The following PARP6 variants were observed in gnomAD, a reference collection of about 807,000 sequenced individuals.
PARP6 encodes the protein protein mono-ADP-ribosyltransferase PARP6.
A neutral mutation model predicts 92.0 loss-of-function variants in PARP6; 27 were observed. That is an observed-to-expected ratio of 0.29 (90% CI 0.22 to 0.40). PARP6 has a LOEUF of 0.40. PARP6 is among the 10% of genes least tolerant of loss of function. The pLI is 1.00. For synonymous variants in PARP6, 272 were observed against 281.2 expected, an observed-to-expected ratio of 0.97 and a Z score of 0.33; for missense variants, 501 against 784.5, an observed-to-expected ratio of 0.64 and a Z score of 4.32.
At chr15:72,246,819 G>A (rs907490718) in intron 20 of PARP6, among the ~76,000 whole-genome samples, 1 of 151,186 alleles carries the variant, frequency 6.6e-6, no homozygotes, top group Non-Finnish European at 1.5e-5. Flanking sequence ...CAATGGCGCA[G>A]TCTCACCTCA....
In PARP6 at chr15:72,250,023, C is replaced by A; in HGVS notation, c.1488G>T (p.Leu496=). Residue 496 remains leucine, a synonymous_variant, in exon 19 of 24, where the codon CTG becomes CTT. Coordinates refer to ENST00000569795, the MANE Select transcript of PARP6 (RefSeq NM_001323532.2). ...NGLVNASYTK[L]QLHGAAYGKG... is the part of the protein sequence containing the mutation. Reference sequence around the variant, plus strand: ...GGAGAAAGGGGCACAGCCTCACCTGCAGTTTGGTGTAGGATGCATTGACCA... The same window carrying A: ...GGAGAAAGGGGCACAGCCTCACCTGAAGTTTGGTGTAGGATGCATTGACCA... The A allele has an allele frequency of 6.3e-7, 1 of 1,593,532 alleles. No individual in the cohort carries two copies. The highest frequency in any genetic ancestry group is 8.6e-7 in the Non-Finnish European group (1 of 1,161,144).
At position 72,257,255 on chromosome 15, in the gene PARP6, G is replaced by C. The variant is rs1202167983; in HGVS notation, c.999+93C>G. 6 of 908,380 alleles carry C rather than the reference G, an allele frequency of 6.6e-6. No individual in the cohort carries two copies. In the African/African-American group the frequency reaches 9.8e-5, roughly 15 times the overall value. 56.3% of individuals were successfully genotyped at this position (908,380 alleles called of 1,614,324 possible). On this transcript the variant is annotated intron_variant, in intron 13 of 23. Coordinates refer to ENST00000569795, the MANE Select transcript of PARP6 (RefSeq NM_001323532.2). Reference sequence around the variant, plus strand: ...TACAGTGGTTATCTTATATACAAAAGCATTTTTGGAAGTTAAATTCCAAGA... The same window carrying C: ...TACAGTGGTTATCTTATATACAAAACCATTTTTGGAAGTTAAATTCCAAGA...
At chr15:72,249,125 G>A (rs1000524322) in intron 20 of PARP6, 120 bp downstream of exon 20, 7 of 500,742 alleles carry the variant, frequency 1.4e-5, no homozygotes, top group African/African-American at 3.8e-5. Flanking sequence ...ATCCATGATC[G>A]GGGAGAGAGC....
intron 10 of PARP6, among the ~76,000 whole-genome samples, chr15:72,259,866 TG>T (rs1479955815): frequency 6.6e-6 from 1 of 152,202 alleles, no homozygotes; most frequent in Non-Finnish European, 1.5e-5. Flanking sequence ...TCAAAGTAGA[TG>T]GAATAGGTTA....
chr15:72,254,537 G>C lies in PARP6; in HGVS notation c.1126-17C>G. The C allele has an allele frequency of 6.3e-7, 1 of 1,598,050 alleles. No individual in the cohort carries two copies. The highest frequency in any genetic ancestry group is 8.6e-7 in the Non-Finnish European group (1 of 1,165,720). ...ATTCTTCTTCTGTGGAGAATCAATG[G>C]GAAGAGAAGAACCAAATAAAGAAAA... On this transcript the variant is annotated splice_polypyrimidine_tract_variant and intron_variant, in intron 14 of 23. Transcript: ENST00000569795.
intron 11 of PARP6, 52 bp from the exon 12 acceptor site, chr15:72,258,184 A>G: frequency 5.3e-6 from 7 of 1,332,438 alleles, no homozygotes; most frequent in Non-Finnish European, 7.6e-6. Flanking sequence ...ACACACAGAT[A>G]TGGGAAATAA....
chr15:72,247,205 C>T (rs746025144), intron 20 of PARP6, among the ~76,000 whole-genome samples: 15 of 151,960 alleles, frequency 9.9e-5, no homozygotes, highest in Non-Finnish European at 1.9e-4. Context: ...GACAGGGTCT[C>T]GCTCTACTGC....
At position 72,262,695 on chromosome 15, in the gene PARP6, T is replaced by C. The variant is rs1597113072; in HGVS notation, c.396-988A>G. Among the ~76,000 whole-genome samples the C allele has an allele frequency of 3.9e-5, 6 of 152,192 alleles. No homozygotes were observed. The South Asian group carries it at 1.0e-3, about 26-fold the overall frequency. ...GTTCTCATCCTGATGCTAAATCCGA[T>C]GGAAACTCCCAGGTTCTTCTCTTAT... is the stretch of plus-strand genomic sequence containing the variant. On this transcript the variant is annotated intron_variant, in intron 8 of 23. Transcript: ENST00000569795.
Position 72,242,578 on chromosome 15 carries a change from G to T in PARP6, c.1641+42C>A. On this transcript the variant is annotated intron_variant, in intron 21 of 23. Transcript: ENST00000569795. This position sits in a 1 kb window ranked among gnomAD's most constrained non-coding sequence, Gnocchi z 4.3. The stretch of plus-strand genomic sequence containing the variant: ...CTGTCCAGCTCTGGAGCCTAAATTA[G>T]CCCCAGGGAAAGGTCCTGCCTCATT... The T allele has an allele frequency of 7.5e-7, 1 of 1,331,066 alleles. No individual in the cohort carries two copies. The highest frequency in any genetic ancestry group is 1.1e-6 in the Non-Finnish European group (1 of 921,880). 82.5% of individuals were successfully genotyped at this position (1,331,066 alleles called of 1,614,324 possible).
At chr15:72,243,317 T>C (rs1225164152) in intron 20 of PARP6, 1 of 152,106 alleles carries the variant, frequency 6.6e-6, no homozygotes, top group Non-Finnish European at 1.5e-5. Flanking sequence ...TGGTGTCAAG[T>C]GCCTGGATGA....
At position 72,259,677 on chromosome 15, in the gene PARP6, A is replaced by C. The variant is rs1431756400; in HGVS notation, c.757-16T>G. ...GACCACTGACCTGGTGAGAGTAAAA[A>C]GACAGACCCCGTGAACCTCCTATGA... On this transcript the variant is annotated splice_polypyrimidine_tract_variant and intron_variant, in intron 10 of 23. Coordinates refer to ENST00000569795, the MANE Select transcript of PARP6 (RefSeq NM_001323532.2). The C allele has an allele frequency of 6.2e-7, 1 of 1,613,278 alleles. No homozygotes were observed. Among genetic ancestry groups the C allele is most frequent in the Non-Finnish European group, 8.5e-7 (1 of 1,179,370 alleles).
intron 20 of PARP6, among the ~76,000 whole-genome samples, chr15:72,248,736 T>C (rs937834728): frequency 2.0e-5 from 3 of 152,240 alleles, no homozygotes; most frequent in Admixed American, 1.3e-4. Flanking sequence ...ACCTCATCTT[T>C]AGAATAAAAT....
chr15:72,267,003 A>G, intron 3 of PARP6, 181 bp from the exon 4 acceptor site: 1 of 586,682 alleles, frequency 1.7e-6, no homozygotes, highest in Non-Finnish European at 3.1e-6. Context: ...TCTTCCTGAT[A>G]TGATCATATC....
At chr15:72,257,572 C>T in intron 12 of PARP6, 132 bp from the exon 13 acceptor site, 1 of 661,656 alleles carries the variant, frequency 1.5e-6, no homozygotes, top group Non-Finnish European at 2.7e-6. Flanking sequence ...CAGGAGAAAA[C>T]TACCAATAAA....
At chr15:72,270,921 C>T (rs530552154) in intron 2 of PARP6, 102 bp downstream of exon 2, 1 of 152,300 alleles carries the variant, frequency 6.6e-6, no homozygotes, top group Admixed American at 6.5e-5. Flanking sequence ...GAACCCTCTG[C>T]TGGATACTTA....
intron 20 of PARP6, among the ~76,000 whole-genome samples, chr15:72,246,447 C>T (rs1567166514): frequency 1.3e-5 from 2 of 150,814 alleles, no homozygotes; most frequent in Admixed American, 1.3e-4. Flanking sequence ...CATGCCCAGC[C>T]TCATTATTAT....
chr15:72,264,520 A>C (rs2086309900), intron 8 of PARP6, 35 bp downstream of exon 8: 3 of 1,518,422 alleles, frequency 2.0e-6, no homozygotes, highest in African/African-American at 1.4e-5. Context: ...TCCTTCCTTC[A>C]CATGTCCATG....
rs867805708 is a variant in PARP6 at position 72,258,175 on chromosome 15, C to T, written c.811-43G>A. The T allele has an allele frequency of 3.6e-6, 5 of 1,379,064 alleles. No homozygotes were observed. In the Middle Eastern group the frequency reaches 8.9e-4, roughly 245 times the overall value. The allele number at this position is 1,379,064 out of a possible 1,614,324, so 85.4% of individuals were successfully genotyped here. ...TCTAAGTCTTTTGGAAGTACTGGCACACACAGATATGGGAAATAATTTCAG... is the reference window on the plus strand; with the variant it reads ...TCTAAGTCTTTTGGAAGTACTGGCATACACAGATATGGGAAATAATTTCAG... On this transcript the variant is annotated intron_variant, in intron 11 of 23. Coordinates refer to ENST00000569795, the MANE Select transcript of PARP6 (RefSeq NM_001323532.2).
chr15:72,250,174 C>T lies in PARP6; in HGVS notation c.1419-82G>A, dbSNP rs1341234434. ...CCCAAGACTGCCATTCCCACCCATT[C>T]TCACCCACACAGGACATGAAGATGG... is the stretch of plus-strand genomic sequence containing the variant. On this transcript the variant is annotated intron_variant, in intron 18 of 23. Transcript: ENST00000569795. The T allele has an allele frequency of 1.4e-5, 12 of 840,274 alleles. No homozygotes were observed. In the East Asian group the frequency reaches 2.4e-4, roughly 17 times the overall value. The allele number at this position is 840,274 out of a possible 1,614,324, so 52.1% of individuals were successfully genotyped here.
Sources: gnomAD v4.1 joint callset for allele counts (sites outside exome capture counted in the v4.1 genomes callset) on GRCh38, gnomAD v4.1.1 for gene constraint, Gnocchi (gnomAD v3.1) non-coding constraint, MANE v1.5 for transcripts, NCBI Gene and HGNC (gene_info 2026-07-23, HGNC 2026-07-21) for gene names.